The following SLIT2 variants were observed in gnomAD, a reference collection of about 807,000 sequenced individuals.
The protein encoded by SLIT2 is slit homolog 2 protein.
SLIT2 carries 41 observed loss-of-function variants against 185.7 expected under a neutral mutation model. The ratio of observed to expected loss-of-function variants is 0.22; its 90% CI spans 0.17 to 0.29. The LOEUF (loss-of-function observed/expected upper bound fraction) is 0.29. SLIT2 is among the 10% of genes least tolerant of loss of function. The pLI, the probability that SLIT2 is intolerant of heterozygous loss-of-function variation, is 1.00. For missense variants in SLIT2, 1,571 were observed against 1,909.0 expected (o/e 0.82, Z 3.30); for synonymous variants, 693 against 680.2 (o/e 1.02, Z -0.29).
chr4:20,365,729 T>A (rs1244683067), intron 4 of SLIT2, among the ~76,000 whole-genome samples: 1 of 152,152 alleles, frequency 6.6e-6, no homozygotes, highest in South Asian at 2.1e-4. Context: ...ACACTGCTTT[T>A]CACTCGCACG....
chr4:20,442,654 A>T (rs1437994229), intron 4 of SLIT2, among the ~76,000 whole-genome samples: 1 of 152,060 alleles, frequency 6.6e-6, no homozygotes, highest in East Asian at 1.9e-4. Flanking sequence ...GAATGTCGTG[A>T]TGTTACTCTC....
Position 20,596,639 on chromosome 4 carries a change from C to A in SLIT2, c.3545C>A (p.Thr1182Lys). 6.2e-7 allele frequency: 1 copy of A among 1,612,986 alleles called. No individual in the cohort carries two copies. The highest frequency in any genetic ancestry group is 1.6e-4 in the Middle Eastern group (1 of 6,062). ...CCTTCAGCCAAGGTTCGGCCTCAGA[C>A]GAACATAACACTTCAGGTAAGAGAT... The part of the protein sequence containing the change: ...QIPSAKVRPQ[T>K]NITLQIATDE... Residue 1182 changes from threonine to lysine, a missense_variant, in exon 32 of 37, where the codon ACG becomes AAG. By Grantham distance (78) the Thr-to-Lys change is moderately conservative. Coordinates refer to ENST00000504154, the MANE Select transcript of SLIT2 (RefSeq NM_004787.4).
chr4:20,500,560 A>G (rs2148812261), intron 9 of SLIT2, among the ~76,000 whole-genome samples: 1 of 152,286 alleles, frequency 6.6e-6, no homozygotes, highest in Non-Finnish European at 1.5e-5. Flanking sequence ...TATAGATGAC[A>G]TAGTACTCTT....
intron 4 of SLIT2, among the ~76,000 whole-genome samples, chr4:20,355,177 A>T (rs1185756954): frequency 1.3e-5 from 2 of 152,240 alleles, no homozygotes; most frequent in Non-Finnish European, 2.9e-5. Context: ...AATTATCAAC[A>T]TTGCACATAG....
intron 4 of SLIT2, among the ~76,000 whole-genome samples, chr4:20,300,235 C>T (rs1015986705): frequency 3.3e-5 from 5 of 152,056 alleles, no homozygotes; most frequent in African/African-American, 1.2e-4. Flanking sequence ...AGTTCAAGGT[C>T]TACCACAATG....
chr4:20,574,303 G>A (rs914693137), intron 29 of SLIT2, among the ~76,000 whole-genome samples: 1 of 151,976 alleles, frequency 6.6e-6, no homozygotes, highest in Non-Finnish European at 1.5e-5. Context: ...AATCATCATG[G>A]AATATTTATG....
rs116839803 is a variant in SLIT2, at chr4:20,347,572, T to C, written c.395+78691T>C. ...ATAAAACACCATCAGTTCATTCTGA[T>C]ATGAGTGGCAAATATGTCAGGAATC... On this transcript the variant is annotated intron_variant, in intron 4 of 36. Transcript: ENST00000504154. Among the ~76,000 whole-genome samples the C allele has an allele frequency of 6.8e-3, 1,037 of 152,314 alleles. 22 individuals are homozygous for C. Among genetic ancestry groups the C allele is most frequent in the African/African-American group, 0.024 (981 of 41,572 alleles).
At chr4:20,275,837 AGATT>A (rs1714120571) in intron 4 of SLIT2, among the ~76,000 whole-genome samples, 1 of 152,168 alleles carries the variant, frequency 6.6e-6, no homozygotes, top group Non-Finnish European at 1.5e-5. Flanking sequence ...GCATATATTT[AGATT>A]GCTGTTTTAA....
In SLIT2 at chr4:20,619,045, G is replaced by T; in HGVS notation, c.*36G>T. ...GGCAGCTCTGTCTTTGGAAAAGGTT[G>T]TATACTTCTTGACCGTGTGGGACTA... On this transcript the variant is annotated 3_prime_UTR_variant, in exon 37 of 37. Coordinates refer to ENST00000504154, the MANE Select transcript of SLIT2 (RefSeq NM_004787.4). 1.9e-6 allele frequency: 3 copies of T among 1,595,356 alleles called. No individual in the cohort carries two copies. Among genetic ancestry groups the T allele is most frequent in the Non-Finnish European group, 2.6e-6 (3 of 1,165,336 alleles).
chr4:20,514,540 A>G (rs6447965), intron 11 of SLIT2, among the ~76,000 whole-genome samples: 58,263 of 151,500 alleles, frequency 0.38, 11,968 homozygotes, highest in African/African-American at 0.54. Context: ...AGCTACTCGG[A>G]GAGTTGAGGC....
intron 9 of SLIT2, among the ~76,000 whole-genome samples, chr4:20,495,383 C>T (rs902453051): frequency 6.6e-6 from 1 of 151,914 alleles, no homozygotes; most frequent in Non-Finnish European, 1.5e-5. Context: ...GACACAGGAG[C>T]GAATTGGTCA....
chr4:20,533,448 C>G (rs1228236262), intron 17 of SLIT2, 124 bp from the exon 18 acceptor site: 5 of 662,918 alleles, frequency 7.5e-6, no homozygotes, highest in Non-Finnish European at 1.3e-5. Context: ...TTTCAGAGCC[C>G]TGGCAGTGCT....
intron 4 of SLIT2, among the ~76,000 whole-genome samples, chr4:20,375,219 C>T (rs2109327752): frequency 6.6e-6 from 1 of 152,074 alleles, no homozygotes; most frequent in Middle Eastern, 3.4e-3. Flanking sequence ...AGTGCACATT[C>T]ATCCACTGAA....
intron 29 of SLIT2, among the ~76,000 whole-genome samples, chr4:20,574,802 A>AC (rs1169023895): frequency 3.3e-5 from 5 of 151,906 alleles, no homozygotes; most frequent in African/African-American, 9.7e-5. Flanking sequence ...AAAAAAAAAA[A>AC]AAAAACAAAG....
intron 4 of SLIT2, among the ~76,000 whole-genome samples, chr4:20,455,448 A>C (rs540761475): frequency 6.6e-6 from 1 of 152,270 alleles, no homozygotes; most frequent in Admixed American, 6.5e-5. Flanking sequence ...ACCAAATACA[A>C]AAGAGCTGCA....
chr4:20,365,268 C>A (rs767229857), intron 4 of SLIT2, among the ~76,000 whole-genome samples: 4 of 152,084 alleles, frequency 2.6e-5, no homozygotes, highest in African/African-American at 7.2e-5. Flanking sequence ...TACAACCCTG[C>A]TGTTGGTGTT....
intron 9 of SLIT2, among the ~76,000 whole-genome samples, chr4:20,497,086 G>A (rs1235585981): frequency 6.8e-6 from 1 of 148,146 alleles, no homozygotes; most frequent in Admixed American, 6.7e-5. Flanking sequence ...TTCTATTCTC[G>A]GCTGACCAAC....
At chr4:20,401,327 G>A (rs1726344374) in intron 4 of SLIT2, among the ~76,000 whole-genome samples, 1 of 151,890 alleles carries the variant, frequency 6.6e-6, no homozygotes, top group Admixed American at 6.6e-5. Context: ...GTTGAAACAA[G>A]TTTTGCTAGC....
intron 4 of SLIT2, among the ~76,000 whole-genome samples, chr4:20,277,462 GT>G (rs1714279989): frequency 6.6e-6 from 1 of 151,710 alleles, no homozygotes; most frequent in Non-Finnish European, 1.5e-5. Context: ...CTACTTTTGT[GT>G]AAACAGTATA....
Sources: gnomAD v4.1 joint callset for allele counts (sites outside exome capture counted in the v4.1 genomes callset) on GRCh38, gnomAD v4.1.1 for gene constraint, MANE v1.5 for transcripts, NCBI Gene and HGNC (gene_info 2026-07-23, HGNC 2026-07-21) for gene names.